TMEM108: variants seen among roughly 807,000 people sequenced by gnomAD.
TMEM108 encodes the protein cancer/testis antigen 124.
In TMEM108, 12 loss-of-function variants were observed where a neutral mutation model predicts 35.1. That is an observed-to-expected ratio of 0.34 (90% CI 0.22 to 0.55). The LOEUF is 0.55. Among genes scored for constraint, TMEM108 ranks in the 20% least tolerant of loss-of-function variants. The pLI is 0.89. For synonymous variants in TMEM108, 287 were observed against 308.6 expected, an observed-to-expected ratio of 0.93 and a Z score of 0.73; for missense variants, 680 against 753.3, an observed-to-expected ratio of 0.90 and a Z score of 1.14.
chr3:133,138,214 G>GA (rs779778957), intron 2 of TMEM108, among the ~76,000 whole-genome samples: 2 of 152,262 alleles, frequency 1.3e-5, no homozygotes, highest in Middle Eastern at 3.4e-3. Context: ...AAGAGGAACA[G>GA]AAAGTGGGAG....
intron 2 of TMEM108, among the ~76,000 whole-genome samples, chr3:133,187,478 G>C (rs1428270079): frequency 6.6e-6 from 1 of 152,186 alleles, no homozygotes; most frequent in South Asian, 2.1e-4. Context: ...GGCCGGGCAT[G>C]GTGGCTCACG....
rs1221039974 is a variant in TMEM108, at chr3:133,103,406, G to A, written c.-47+57386G>A. 3.9e-5 allele frequency among the ~76,000 whole-genome samples: 6 copies of A among 152,082 alleles called. No individual in the cohort carries two copies. In the East Asian group the frequency reaches 1.2e-3, roughly 29 times the overall value. Reference sequence around the variant, plus strand: ...GAGGAGAACACATGGACACATAGAGGGAAACAGCACACACTGGGACCTTTC... The same window carrying A: ...GAGGAGAACACATGGACACATAGAGAGAAACAGCACACACTGGGACCTTTC... On this transcript the variant is annotated intron_variant, in intron 2 of 5. Coordinates refer to ENST00000321871, the MANE Select transcript of TMEM108 (RefSeq NM_023943.4).
intron 2 of TMEM108, among the ~76,000 whole-genome samples, chr3:133,186,927 T>C (rs1945430208): frequency 6.6e-6 from 1 of 152,160 alleles, no homozygotes. Context: ...TGAAACACAC[T>C]GGTTTTCTTC....
intron 2 of TMEM108, among the ~76,000 whole-genome samples, chr3:133,147,383 C>A (rs1442643411): frequency 1.3e-5 from 2 of 152,076 alleles, no homozygotes; most frequent in East Asian, 3.9e-4. Context: ...TTCTTTGAAA[C>A]TTCTCCAACA....
chr3:133,084,109 C>G (rs1402454), intron 2 of TMEM108, among the ~76,000 whole-genome samples: 34,662 of 145,036 alleles, frequency 0.24, 4,720 homozygotes, highest in Non-Finnish European at 0.32. Context: ...TTCAACCATT[C>G]TTTTTCTTGA....
chr3:133,101,168 A>G (rs1944082649), intron 2 of TMEM108, among the ~76,000 whole-genome samples: 1 of 152,174 alleles, frequency 6.6e-6, no homozygotes, highest in South Asian at 2.1e-4. Context: ...TAGTTATTTT[A>G]TTATGGACAG....
intron 2 of TMEM108, among the ~76,000 whole-genome samples, chr3:133,115,747 G>A (rs1944280475): frequency 1.3e-5 from 2 of 152,300 alleles, no homozygotes; most frequent in South Asian, 4.1e-4. Context: ...GGGAGGAAGT[G>A]GTGTTTAATG....
intron 2 of TMEM108, among the ~76,000 whole-genome samples, chr3:133,222,996 T>A (rs775136212): frequency 2.4e-4 from 37 of 151,904 alleles, no homozygotes; most frequent in Non-Finnish European, 4.4e-4. Context: ...AATTTTTAAA[T>A]TTTTTTTGTA....
intron 2 of TMEM108, among the ~76,000 whole-genome samples, chr3:133,194,485 T>A (rs1018781635): frequency 3.3e-5 from 5 of 151,990 alleles, no homozygotes; most frequent in East Asian, 1.9e-4. Flanking sequence ...GGTAGTTTTT[T>A]AAAAAATTAC....
At chr3:133,042,559 T>C (rs962787798) in intron 1 of TMEM108, among the ~76,000 whole-genome samples, 2 of 152,234 alleles carry the variant, frequency 1.3e-5, no homozygotes, top group African/African-American at 4.8e-5. Flanking sequence ...TTCTGAAGAC[T>C]AAAAATTATT....
At chr3:133,387,138 A>C (rs904471870) in intron 4 of TMEM108, 4 of 985,300 alleles carry the variant, frequency 4.1e-6, no homozygotes, top group Admixed American at 6.1e-5. Flanking sequence ...TTCTTTCTAG[A>C]TCTCTCTTGT....
At chr3:133,101,982 A>C (rs1213039971) in intron 2 of TMEM108, among the ~76,000 whole-genome samples, 1 of 152,182 alleles carries the variant, frequency 6.6e-6, no homozygotes, top group East Asian at 1.9e-4. Context: ...TTTGGGACCT[A>C]GTATTTTTGA....
chr3:133,262,760 T>C (rs541417812), intron 3 of TMEM108, among the ~76,000 whole-genome samples: 2 of 152,350 alleles, frequency 1.3e-5, no homozygotes, highest in South Asian at 2.1e-4. Flanking sequence ...CAAGAGAAGA[T>C]ATGGTTGCTC....
chr3:133,357,798 G>A (rs1055536380), intron 3 of TMEM108, among the ~76,000 whole-genome samples: 8 of 152,024 alleles, frequency 5.3e-5, no homozygotes, highest in African/African-American at 1.2e-4. Flanking sequence ...GTTGGGAGGC[G>A]GGTGAGGGAT....
At chr3:133,312,473 C>T (rs2071143887) in intron 3 of TMEM108, among the ~76,000 whole-genome samples, 1 of 152,250 alleles carries the variant, frequency 6.6e-6, no homozygotes, top group Non-Finnish European at 1.5e-5. Flanking sequence ...GCAGCAGCCT[C>T]GTGGGTCAAT....
intron 2 of TMEM108, among the ~76,000 whole-genome samples, chr3:133,186,892 A>ATG (rs750990248): frequency 8.6e-5 from 13 of 151,842 alleles, no homozygotes; most frequent in Non-Finnish European, 1.9e-4. Flanking sequence ...GTGTGTGTGT[A>ATG]TGTGTGTGTG....
chr3:133,063,807 T>C (rs1943563750), intron 2 of TMEM108, among the ~76,000 whole-genome samples: 2 of 152,106 alleles, frequency 1.3e-5, no homozygotes, highest in African/African-American at 4.8e-5. Context: ...ACAGAGCACA[T>C]AGGGCCCCCA....
chr3:133,129,408 C>T (rs964590374), intron 2 of TMEM108, among the ~76,000 whole-genome samples: 1 of 144,748 alleles, frequency 6.9e-6, no homozygotes, highest in Non-Finnish European at 1.5e-5. Flanking sequence ...GGTGAAAATG[C>T]ATGGTAACAA....
intron 3 of TMEM108, among the ~76,000 whole-genome samples, chr3:133,304,908 C>G (rs1947280133): frequency 6.6e-6 from 1 of 151,992 alleles, no homozygotes; most frequent in Non-Finnish European, 1.5e-5. Flanking sequence ...ATAGAGAAAC[C>G]TTCTCTCTAC....
Sources: gnomAD v4.1 joint callset for allele counts (sites outside exome capture counted in the v4.1 genomes callset) on GRCh38, gnomAD v4.1.1 for gene constraint, MANE v1.5 for transcripts, NCBI Gene and HGNC (gene_info 2026-07-23, HGNC 2026-07-21) for gene names.